The following SLC22A23 variants were observed in gnomAD, a reference collection of about 807,000 sequenced individuals.
SLC22A23 encodes the protein solute carrier family 22 member 23.
A neutral mutation model predicts 61.0 loss-of-function variants in SLC22A23; 26 were observed. The ratio of observed to expected loss-of-function variants is 0.43; its 90% CI spans 0.31 to 0.59. The LOEUF (loss-of-function observed/expected upper bound fraction) is 0.59. Ranked by LOEUF, SLC22A23 falls within the 20% of genes least tolerant of loss-of-function variation. The pLI, the probability that SLC22A23 is intolerant of heterozygous loss-of-function variation, is 0.11. For synonymous variants in SLC22A23, 430 were observed against 413.9 expected, an observed-to-expected ratio of 1.04 and a Z score of -0.47; for missense variants, 796 against 934.7, an observed-to-expected ratio of 0.85 and a Z score of 1.94.
chr6:3,289,599 G>T (rs567200823), intron 6 of SLC22A23, among the ~76,000 whole-genome samples, 165 bp downstream of exon 6: 1 of 152,214 alleles, frequency 6.6e-6, no homozygotes, highest in Non-Finnish European at 1.5e-5. Context: ...TGAGGCTTCC[G>T]GGAGCGGGGG....
At chr6:3,398,847 C>T (rs999846750) in intron 3 of SLC22A23, among the ~76,000 whole-genome samples, 3 of 151,876 alleles carry the variant, frequency 2.0e-5, no homozygotes, top group African/African-American at 7.3e-5. Context: ...TGAGCAACAT[C>T]GTGAGACCTC....
chr6:3,276,981 A>G (rs1348237703), intron 9 of SLC22A23: 1 of 152,244 alleles, frequency 6.6e-6, no homozygotes, highest in Non-Finnish European at 1.5e-5. Flanking sequence ...CTGCATCTAT[A>G]AAACAGGGAT....
rs1160950759 is a variant in SLC22A23 at position 3,291,604 on chromosome 6, T to C, written c.1211-1738A>G. Reference sequence around the variant, plus strand: ...CCACGGACCCTCTCAGCTCCCAAGGTCCATTATTTTTCCTCAGCAAAAATG... The same window carrying C: ...CCACGGACCCTCTCAGCTCCCAAGGCCCATTATTTTTCCTCAGCAAAAATG... On this transcript the variant is annotated intron_variant, in intron 5 of 9. Transcript: ENST00000406686. The C allele has an allele frequency of 2.0e-5, 3 of 152,200 alleles. No homozygotes were observed. The East Asian group carries it at 5.8e-4, about 29-fold the overall frequency. The allele number at this position is 152,200 out of a possible 1,614,324, so 9.4% of individuals were successfully genotyped here. A position where few individuals can be genotyped will look rare whatever the true frequency, so the allele number is the denominator to read the frequency against.
chr6:3,449,364 A>G (rs1772062307), intron 1 of SLC22A23, among the ~76,000 whole-genome samples: 1 of 152,242 alleles, frequency 6.6e-6, no homozygotes, highest in African/African-American at 2.4e-5. Context: ...TATCATGTAC[A>G]AAATTTAAAA....
Position 3,368,436 on chromosome 6 carries a change from C to A in SLC22A23, c.913+41752G>T, listed in dbSNP as rs954804391. Among the ~76,000 whole-genome samples, 3 of 152,156 alleles carry A rather than the reference C, an allele frequency of 2.0e-5. No homozygotes were observed. In the East Asian group the frequency reaches 5.8e-4, roughly 29 times the overall value. On this transcript the variant is annotated intron_variant, in intron 3 of 9. Coordinates refer to ENST00000406686, the MANE Select transcript of SLC22A23 (RefSeq NM_015482.2). ...GTGTGTGTAAGAGATATGCGCTTTT[C>A]CAGGGGAAGGACCCGTAGCTGCCAT... is the stretch of plus-strand genomic sequence containing the variant.
chr6:3,398,605 T>C lies in SLC22A23; in HGVS notation c.913+11583A>G, dbSNP rs113878892. Among the ~76,000 whole-genome samples, 140 of 152,038 alleles carry C rather than the reference T, an allele frequency of 9.2e-4. 2 individuals carry two copies. The Middle Eastern group carries it at 0.01, about 11-fold the overall frequency. On this transcript the variant is annotated intron_variant, in intron 3 of 9. Coordinates refer to ENST00000406686, the MANE Select transcript of SLC22A23 (RefSeq NM_015482.2). ...AGGCCCTCTGAGCTGTCCCACTCTG[T>C]CACCTGGGAACACTGCCCTGAAGTG...
At chr6:3,430,083 A>G (rs2127539030) in intron 1 of SLC22A23, among the ~76,000 whole-genome samples, 1 of 152,378 alleles carries the variant, frequency 6.6e-6, no homozygotes, top group East Asian at 1.9e-4. Context: ...AAAAGTTTAA[A>G]GAAAGTGTTA....
intron 1 of SLC22A23, among the ~76,000 whole-genome samples, chr6:3,416,257 T>C (rs1359612479): frequency 1.3e-5 from 2 of 152,272 alleles, no homozygotes; most frequent in Non-Finnish European, 2.9e-5. Flanking sequence ...CCCTGTCAAC[T>C]TTCTGCATGG....
intron 9 of SLC22A23, among the ~76,000 whole-genome samples, chr6:3,283,024 C>G (rs185587741): frequency 6.8e-4 from 103 of 152,300 alleles, no homozygotes; most frequent in African/African-American, 2.3e-3. Flanking sequence ...GTTTTCTGGG[C>G]CTAGTGTCTG....
At chr6:3,312,761 C>CAG (rs1762433789) in intron 4 of SLC22A23, 1 of 152,402 alleles carries the variant, frequency 6.6e-6, no homozygotes, top group Admixed American at 6.5e-5. Context: ...CACCTGTCAC[C>CAG]AGAGGCCCAC....
In SLC22A23 at chr6:3,410,415, G is replaced by A; in HGVS notation, c.759-73C>T. The A allele has an allele frequency of 6.9e-7, 1 of 1,455,164 alleles. No homozygotes were observed. Among genetic ancestry groups the A allele is most frequent in the Admixed American group, 2.3e-5 (1 of 43,758 alleles). 90.1% of individuals were successfully genotyped at this position (1,455,164 alleles called of 1,614,324 possible). A position where few individuals can be genotyped will look rare whatever the true frequency, so the allele number is the denominator to read the frequency against. On this transcript the variant is annotated intron_variant, in intron 2 of 9. Coordinates refer to ENST00000406686, the MANE Select transcript of SLC22A23 (RefSeq NM_015482.2). The surrounding 1 kb of genome is among the most constrained non-coding windows in gnomAD (Gnocchi z 5.0). ...ATGACGCTAGATGCTGAAACCCGGT[G>A]TCCAGCAGGCACTCAATATATGTTG...
chr6:3,391,943 A>G (rs1395997666), intron 3 of SLC22A23, among the ~76,000 whole-genome samples: 2 of 152,228 alleles, frequency 1.3e-5, no homozygotes, highest in Non-Finnish European at 2.9e-5. Context: ...TGAAAGATCC[A>G]TCTGGCTGGA....
At position 3,410,580 on chromosome 6, in the gene SLC22A23, G is replaced by A. The variant is rs948366831; in HGVS notation, c.759-238C>T. 6.6e-6 allele frequency among the ~76,000 whole-genome samples: 1 copy of A among 152,180 alleles called. No homozygotes were observed. The highest frequency in any genetic ancestry group is 2.4e-5 in the African/African-American group (1 of 41,436). ...CAGAGATCAACCAATTACAGAGTAA[G>A]AGAATTCAGACTTGAGCCCAATTCC... On this transcript the variant is annotated intron_variant, in intron 2 of 9. Transcript: ENST00000406686. This position sits in a 1 kb window ranked among gnomAD's most constrained non-coding sequence, Gnocchi z 5.0.
intron 3 of SLC22A23, among the ~76,000 whole-genome samples, chr6:3,364,614 G>A (rs1360875186): frequency 6.6e-6 from 1 of 152,214 alleles, no homozygotes; most frequent in East Asian, 1.9e-4. Context: ...TGATCCTATT[G>A]CTGTGTTTCC....
chr6:3,415,632 C>T (rs1207585302), intron 2 of SLC22A23, 120 bp downstream of exon 2: 4 of 688,522 alleles, frequency 5.8e-6, no homozygotes, highest in Non-Finnish European at 1.0e-5. Flanking sequence ...CAGCTTTGGC[C>T]TTCTGCTCTG....
intron 4 of SLC22A23, 67 bp from the exon 5 acceptor site, chr6:3,298,285 AGGTGTGG>A: frequency 2.0e-6 from 3 of 1,530,238 alleles, no homozygotes; most frequent in Non-Finnish European, 2.6e-6. Flanking sequence ...AGTGTGGCTT[AGGTGTGG>A]CCCGGGAGCT....
chr6:3,294,166 G>T (rs918847459), intron 5 of SLC22A23, among the ~76,000 whole-genome samples: 7 of 152,146 alleles, frequency 4.6e-5, no homozygotes, highest in African/African-American at 9.7e-5. Context: ...AGGGAGAATG[G>T]CTCCTCTCCC....
At chr6:3,341,280 A>T (rs74577691) in intron 3 of SLC22A23, among the ~76,000 whole-genome samples, 1 of 152,256 alleles carries the variant, frequency 6.6e-6, no homozygotes, top group Non-Finnish European at 1.5e-5. Context: ...GCTAAAAAAA[A>T]GTTATGCCAT....
intron 4 of SLC22A23, among the ~76,000 whole-genome samples, chr6:3,320,165 C>T (rs987055371): frequency 3.3e-5 from 5 of 152,220 alleles, no homozygotes; most frequent in East Asian, 3.8e-4. Flanking sequence ...TCTGTGTCTG[C>T]TCCTGCTGGG....
Sources: allele counts gnomAD v4.1 joint callset (sites outside exome capture counted in the v4.1 genomes callset), GRCh38; gene constraint gnomAD v4.1.1; non-coding constraint Gnocchi (gnomAD v3.1); transcripts MANE v1.5; gene names NCBI Gene and HGNC (gene_info 2026-07-23, HGNC 2026-07-21).